The following FHIT variants were observed in gnomAD, a reference collection of about 807,000 sequenced individuals.
FHIT encodes fragile histidine triad diadenosine triphosphatase.
A neutral mutation model predicts 17.9 loss-of-function variants in FHIT; 19 were observed. The observed-to-expected ratio is 1.06, with a 90% confidence interval of 0.74 to 1.56. FHIT has a LOEUF of 1.56. Ranked by LOEUF, FHIT falls within the 40% of genes most tolerant of loss-of-function variation. FHIT has a pLI of 0.00. For synonymous variants in FHIT, 81 were observed against 69.7 expected (o/e 1.16, Z -0.81); for missense variants, 248 against 189.2 (o/e 1.31, Z -1.82).
chr3:60,271,589 C>T (rs1156814605), intron 5 of FHIT, among the ~76,000 whole-genome samples: 1 of 152,120 alleles, frequency 6.6e-6, no homozygotes, highest in Non-Finnish European at 1.5e-5. Flanking sequence ...GATGTTAGTA[C>T]TGCTGTCTCT....
At chr3:59,908,041 T>G (rs1024673183) in intron 8 of FHIT, among the ~76,000 whole-genome samples, 1 of 152,144 alleles carries the variant, frequency 6.6e-6, no homozygotes, top group Non-Finnish European at 1.5e-5. Flanking sequence ...TCTCCTTATC[T>G]TAAAGTTGGC....
At chr3:60,296,074 G>A (rs1488396581) in intron 5 of FHIT, among the ~76,000 whole-genome samples, 1 of 152,100 alleles carries the variant, frequency 6.6e-6, no homozygotes, top group African/African-American at 2.4e-5. Context: ...TTTCATGTAA[G>A]ATGTGCCTTT....
intron 2 of FHIT, among the ~76,000 whole-genome samples, chr3:61,109,290 G>A (rs375983501): frequency 3.9e-5 from 6 of 152,278 alleles, no homozygotes; most frequent in Non-Finnish European, 8.8e-5. Flanking sequence ...CTTGAATGTG[G>A]TTAGGTGTCC....
intron 5 of FHIT, among the ~76,000 whole-genome samples, chr3:60,204,707 A>T (rs917296108): frequency 1.3e-5 from 2 of 152,170 alleles, no homozygotes; most frequent in Non-Finnish European, 2.9e-5. Flanking sequence ...TTTAGACCTA[A>T]TGCACTAATA....
intron 3 of FHIT, among the ~76,000 whole-genome samples, chr3:61,000,662 G>T (rs2031009431): frequency 6.6e-6 from 1 of 152,120 alleles, no homozygotes; most frequent in African/African-American, 2.4e-5. Context: ...ACTGACTAGG[G>T]GCCTTAGCAC....
At chr3:60,431,675 G>A (rs187822351) in intron 5 of FHIT, among the ~76,000 whole-genome samples, 51 of 152,102 alleles carry the variant, frequency 3.4e-4, no homozygotes, top group South Asian at 2.1e-4. Context: ...TACCAAAGTC[G>A]GGAGTCTGCA....
intron 8 of FHIT, among the ~76,000 whole-genome samples, chr3:59,876,456 A>AC (rs11453296): frequency 0.97 from 147,681 of 152,048 alleles, 71,786 homozygotes; most frequent in East Asian, 1. Context: ...TGGGAGCAGC[A>AC]CCCCTCCCCA....
chr3:59,889,102 C>A (rs1703745157), intron 8 of FHIT, among the ~76,000 whole-genome samples: 1 of 152,200 alleles, frequency 6.6e-6, no homozygotes, highest in Admixed American at 6.5e-5. Context: ...AACACATAAA[C>A]TTTGGAAACA....
intron 4 of FHIT, among the ~76,000 whole-genome samples, chr3:60,661,844 A>G (rs1305745787): frequency 6.6e-6 from 1 of 152,112 alleles, no homozygotes; most frequent in Non-Finnish European, 1.5e-5. Context: ...GGTTATTTGT[A>G]TATCTTCTTC....
At chr3:61,190,668 C>G (rs1363866647) in intron 2 of FHIT, among the ~76,000 whole-genome samples, 1 of 152,168 alleles carries the variant, frequency 6.6e-6, no homozygotes, top group African/African-American at 2.4e-5. Context: ...ATAGCAAAGA[C>G]TTGGAACCGA....
chr3:60,066,213 A>C (rs1702497060), intron 5 of FHIT, among the ~76,000 whole-genome samples: 1 of 152,192 alleles, frequency 6.6e-6, no homozygotes, highest in South Asian at 2.1e-4. Context: ...TTATTTAAAA[A>C]AAAATTAAAA....
chr3:60,333,912 G>C (rs1710111960), intron 5 of FHIT, among the ~76,000 whole-genome samples: 1 of 152,244 alleles, frequency 6.6e-6, no homozygotes, highest in East Asian at 1.9e-4. Flanking sequence ...CCTGCTTCCT[G>C]TTGATCAACT....
At chr3:60,494,482 A>G (rs1275425639) in intron 5 of FHIT, among the ~76,000 whole-genome samples, 1 of 152,030 alleles carries the variant, frequency 6.6e-6, no homozygotes, top group African/African-American at 2.4e-5. Context: ...ATCAAATTAT[A>G]CTCTTAGTTA....
At chr3:61,148,991 A>G (rs1445375110) in intron 2 of FHIT, among the ~76,000 whole-genome samples, 2 of 152,238 alleles carry the variant, frequency 1.3e-5, no homozygotes, top group African/African-American at 2.4e-5. Flanking sequence ...AAAGGCATAA[A>G]GTTTTCCATA....
At chr3:59,885,754 G>A (rs1703596839) in intron 8 of FHIT, among the ~76,000 whole-genome samples, 1 of 152,130 alleles carries the variant, frequency 6.6e-6, no homozygotes, top group Non-Finnish European at 1.5e-5. Context: ...ATGTATAAAG[G>A]ACATGAGCGC....
At chr3:59,826,166 G>A (rs111756512) in intron 8 of FHIT, among the ~76,000 whole-genome samples, 16 of 152,194 alleles carry the variant, frequency 1.1e-4, no homozygotes, top group South Asian at 4.2e-4. Context: ...CACCCAGGCC[G>A]GAGTGCAGTG....
chr3:60,647,984 G>T (rs2039900488), intron 4 of FHIT, among the ~76,000 whole-genome samples: 1 of 152,116 alleles, frequency 6.6e-6, no homozygotes, highest in African/African-American at 2.4e-5. Context: ...AAGAGTTTGT[G>T]GGGAAGAATA....
intron 5 of FHIT, among the ~76,000 whole-genome samples, chr3:60,246,487 A>G (rs923274060): frequency 3.9e-5 from 6 of 152,088 alleles, no homozygotes; most frequent in Admixed American, 2.0e-4. Context: ...GAGGCCAGCA[A>G]AGCAGAAAAT....
intron 8 of FHIT, among the ~76,000 whole-genome samples, chr3:59,883,458 A>C (rs1160186431): frequency 1.3e-5 from 2 of 152,210 alleles, no homozygotes; most frequent in East Asian, 3.8e-4. Flanking sequence ...AACGAAGTGC[A>C]AGGGTTTTCC....
Sources: allele counts gnomAD v4.1 joint callset (sites outside exome capture counted in the v4.1 genomes callset), GRCh38; gene constraint gnomAD v4.1.1; transcripts MANE v1.5; gene names NCBI Gene and HGNC (gene_info 2026-07-23, HGNC 2026-07-21).